Variants in NDUFAF6 observed in about 807,000 individuals in gnomAD.
NDUFAF6 encodes the protein NADH:ubiquinone oxidoreductase complex assembly factor 6, also known as NADH dehydrogenase (ubiquinone) complex I, assembly factor 6.
In NDUFAF6, 45 loss-of-function variants were observed where a neutral mutation model predicts 40.8. That is an observed-to-expected ratio of 1.10 (90% CI 0.87 to 1.42). NDUFAF6 has a LOEUF of 1.42. NDUFAF6 is among the 40% of genes most tolerant of loss of function. The probability of loss-of-function intolerance (pLI) is 0.00; values close to 1 mark genes in which losing one functional copy is unlikely to be tolerated. For synonymous variants in NDUFAF6, 185 were observed against 155.9 expected (o/e 1.19, Z -1.39); for missense variants, 435 against 418.5 (o/e 1.04, Z -0.34).
intron 1 of NDUFAF6, among the ~76,000 whole-genome samples, chr8:94,915,295 T>G (rs749233124): frequency 9.2e-5 from 14 of 152,194 alleles, no homozygotes; most frequent in Non-Finnish European, 1.9e-4. Context: ...TATTTAGCTC[T>G]CACTTATGAG....
intron 1 of NDUFAF6, among the ~76,000 whole-genome samples, chr8:94,909,630 CA>C (rs908860570): frequency 8.0e-5 from 12 of 150,742 alleles, no homozygotes; most frequent in Non-Finnish European, 7.4e-5. Context: ...ATCTCAAAAA[CA>C]AAAAAAAATT....
At chr8:95,100,705 A>G (rs543496768) in intron 1 of NDUFAF6, among the ~76,000 whole-genome samples, 2 of 152,370 alleles carry the variant, frequency 1.3e-5, no homozygotes, top group Admixed American at 6.5e-5. Flanking sequence ...AAACCTTTGC[A>G]TGAAGATTCT....
intron 4 of NDUFAF6, among the ~76,000 whole-genome samples, chr8:95,044,761 T>C (rs1381314161): frequency 6.6e-6 from 1 of 151,908 alleles, no homozygotes; most frequent in Admixed American, 6.6e-5. Flanking sequence ...CAGCCTCTTT[T>C]TTTTTTTTTT....
downstream of NDUFAF6, among the ~76,000 whole-genome samples, chr8:95,107,880 G>A (rs1466784611): frequency 2.6e-5 from 4 of 152,088 alleles, no homozygotes; most frequent in South Asian, 2.1e-4. Flanking sequence ...TAGGAGCTTC[G>A]ATAGTACCAG....
intron 1 of NDUFAF6, among the ~76,000 whole-genome samples, chr8:94,942,038 C>CT (rs547276041): frequency 1.0e-3 from 145 of 144,456 alleles, no homozygotes; most frequent in Middle Eastern, 3.6e-3. Flanking sequence ...ACCCTTCACG[C>CT]TTTTTTTTTT....
At chr8:95,031,760 C>G (rs1036839058) in intron 1 of NDUFAF6, among the ~76,000 whole-genome samples, 1 of 152,138 alleles carries the variant, frequency 6.6e-6, no homozygotes, top group Non-Finnish European at 1.5e-5. Flanking sequence ...GCCACCATGC[C>G]CGACTAATTT....
At chr8:95,017,099 ATTT>A (rs781650429) in intron 2 of NDUFAF6, among the ~76,000 whole-genome samples, 25 of 111,874 alleles carry the variant, frequency 2.2e-4, no homozygotes, top group Non-Finnish European at 2.7e-4. Flanking sequence ...TGCCCAGCTA[ATTT>A]TTTTTTTTTT....
At chr8:95,084,397 C>T (rs919442764) in intron 2 of NDUFAF6, among the ~76,000 whole-genome samples, 2 of 152,048 alleles carry the variant, frequency 1.3e-5, no homozygotes, top group African/African-American at 2.4e-5. Flanking sequence ...TACTAGAAAA[C>T]GTCATCTGTG....
intron 1 of NDUFAF6, chr8:94,939,843 A>G (rs1177828475): frequency 1.2e-6 from 2 of 1,602,168 alleles, no homozygotes; most frequent in South Asian, 1.1e-5. Flanking sequence ...ACAGAGAGTT[A>G]AATACTTGTA....
At chr8:94,921,903 C>T (rs1304478073) in intron 1 of NDUFAF6, among the ~76,000 whole-genome samples, 2 of 152,256 alleles carry the variant, frequency 1.3e-5, no homozygotes, top group African/African-American at 2.4e-5. Flanking sequence ...GTAGTGGCAG[C>T]ATGACCTGGG....
At chr8:95,099,283 ATTCT>A (rs974102370), upstream of NDUFAF6, among the ~76,000 whole-genome samples, 7 of 151,448 alleles carry the variant, frequency 4.6e-5, no homozygotes, top group Admixed American at 2.0e-4. Flanking sequence ...TTCAGAGTAT[ATTCT>A]TTCTTCTGGG....
At chr8:94,958,188 G>T (rs1823239966) in intron 1 of NDUFAF6, 1 of 152,288 alleles carries the variant, frequency 6.6e-6, no homozygotes, top group South Asian at 2.1e-4. Context: ...AGGTGAGGAA[G>T]CAGACATAGA....
chr8:95,002,989 A>G (rs1280228890), intron 2 of NDUFAF6, among the ~76,000 whole-genome samples: 1 of 152,238 alleles, frequency 6.6e-6, no homozygotes, highest in Non-Finnish European at 1.5e-5. Context: ...TCTGGCTTAC[A>G]TCATCTCAGC....
chr8:95,009,164 C>CA (rs1299290744), intron 2 of NDUFAF6, among the ~76,000 whole-genome samples: 1 of 151,208 alleles, frequency 6.6e-6, no homozygotes, highest in Non-Finnish European at 1.5e-5. Flanking sequence ...CATACCACTG[C>CA]ACTCCAGCCT....
At chr8:94,934,035 A>C (rs34169370) in intron 1 of NDUFAF6, among the ~76,000 whole-genome samples, 123,271 of 151,366 alleles carry the variant, frequency 0.81, 50,983 homozygotes, top group East Asian at 0.89. Context: ...CAAGATTGCA[A>C]CATTGTACTC....
chr8:94,935,585 C>T (rs921492797), intron 1 of NDUFAF6, among the ~76,000 whole-genome samples: 1 of 152,184 alleles, frequency 6.6e-6, no homozygotes, highest in African/African-American at 2.4e-5. Context: ...ATCTATTTCT[C>T]TGTCTCTGCT....
rs140369058 is a variant in NDUFAF6 at position 94,921,482 on chromosome 8, G to A, written c.-935-24001G>A. On this transcript the variant is annotated intron_variant, in intron 1 of 14. Transcript: ENST00000396113. ...GTGAATGCCATCTGAAACTAACCTC[G>A]ATTCTGGAGGGAGAAATAGATCCCT... 2.0e-3 allele frequency among the ~76,000 whole-genome samples: 304 copies of A among 152,252 alleles called. 1 individual carries two copies. The highest frequency in any genetic ancestry group is 7.0e-3 in the African/African-American group (289 of 41,552).
At chr8:94,977,855 G>C (rs766497857) in intron 1 of NDUFAF6, among the ~76,000 whole-genome samples, 21 of 152,076 alleles carry the variant, frequency 1.4e-4, no homozygotes, top group Non-Finnish European at 2.4e-4. Flanking sequence ...GGAGTAGTGG[G>C]CAATGAACCC....
At chr8:94,937,239 G>A (rs989685584) in intron 1 of NDUFAF6, among the ~76,000 whole-genome samples, 3 of 152,074 alleles carry the variant, frequency 2.0e-5, no homozygotes, top group African/African-American at 7.2e-5. Flanking sequence ...TCAGGAGTTC[G>A]AGACTAGCCT....
Sources: allele counts gnomAD v4.1 joint callset (sites outside exome capture counted in the v4.1 genomes callset), GRCh38; gene constraint gnomAD v4.1.1; transcripts MANE v1.5; gene names NCBI Gene and HGNC (gene_info 2026-07-23, HGNC 2026-07-21).